NECTIN3: variants seen among roughly 807,000 people sequenced by gnomAD.
The protein encoded by NECTIN3 is nectin cell adhesion molecule 3.
In NECTIN3, 8 loss-of-function variants were observed where a neutral mutation model predicts 49.4. The observed-to-expected ratio is 0.16, with a 90% CI of 0.10 to 0.29. The LOEUF (loss-of-function observed/expected upper bound fraction) is 0.29, where lower values mean the gene tolerates loss of function less well. NECTIN3 is among the 10% of genes least tolerant of loss of function. NECTIN3 has a pLI of 1.00. For synonymous variants in NECTIN3, 277 were observed against 241.1 expected (o/e 1.15, Z -1.38); for missense variants, 581 against 654.6 (o/e 0.89, Z 1.23).
At chr3:111,162,375 C>T (rs1020211425) in intron 7 of NECTIN3, among the ~76,000 whole-genome samples, 3 of 152,148 alleles carry the variant, frequency 2.0e-5, no homozygotes, top group Non-Finnish European at 4.4e-5. Context: ...TTTCCCCATG[C>T]TGCTGTTCTT....
At chr3:111,183,176 C>T (rs1426226314) in intron 7 of NECTIN3, among the ~76,000 whole-genome samples, 2 of 151,740 alleles carry the variant, frequency 1.3e-5, no homozygotes, top group Non-Finnish European at 2.9e-5. Context: ...TGTTTTAAAC[C>T]ATAATGTATC....
intron 1 of NECTIN3, among the ~76,000 whole-genome samples, chr3:111,096,580 G>A (rs1322705155): frequency 2.0e-5 from 3 of 152,186 alleles, no homozygotes; most frequent in Non-Finnish European, 4.4e-5. Flanking sequence ...AGGCCTGGAG[G>A]TTTAGGAGGA....
chr3:111,114,234 A>G (rs930944389), intron 2 of NECTIN3, among the ~76,000 whole-genome samples: 9 of 151,922 alleles, frequency 5.9e-5, no homozygotes, highest in Admixed American at 5.2e-4. Flanking sequence ...ATCATCATAA[A>G]CTATTTGCAG....
intron 1 of NECTIN3, among the ~76,000 whole-genome samples, chr3:111,110,080 A>T (rs2033389503): frequency 6.6e-6 from 1 of 152,066 alleles, no homozygotes; most frequent in Admixed American, 6.6e-5. Flanking sequence ...ATAAGCAACT[A>T]CATTATTGGT....
At chr3:111,169,731 G>A (rs2035398869) in intron 7 of NECTIN3, among the ~76,000 whole-genome samples, 1 of 152,092 alleles carries the variant, frequency 6.6e-6, no homozygotes, top group African/African-American at 2.4e-5. Context: ...AAGAATTAGG[G>A]CAACAGTGTT....
At chr3:111,126,138 A>G in intron 4 of NECTIN3, 46 bp from the exon 5 acceptor site, 5 of 1,350,640 alleles carry the variant, frequency 3.7e-6, no homozygotes, top group Non-Finnish European at 4.9e-6. Context: ...GTCAATAAAT[A>G]TAGTCTGAAG....
In NECTIN3 at chr3:111,136,766, T is replaced by C; in HGVS notation, c.*2551T>C. ...CTGTTTTAGCATTTTGTAAATTCAC[T>C]TGAGAGTTTTCTTTCATACTGGTTA... On this transcript the variant is annotated 3_prime_UTR_variant, in exon 6 of 6. Transcript: ENST00000485303. 1 of 929,166 alleles carries C rather than the reference T, an allele frequency of 1.1e-6. No individual in the cohort carries two copies. Among genetic ancestry groups the C allele is most frequent in the African/African-American group, 1.8e-5 (1 of 55,910 alleles). The allele number at this position is 929,166 out of a possible 1,614,324, so 57.6% of individuals were successfully genotyped here. A position where few individuals can be genotyped will look rare whatever the true frequency, so the allele number is the denominator to read the frequency against.
chr3:111,133,571 G>T, intron 5 of NECTIN3, 64 bp from the exon 6 acceptor site: 1 of 1,533,740 alleles, frequency 6.5e-7, no homozygotes, highest in Non-Finnish European at 8.8e-7. Flanking sequence ...ACTTGCTGCT[G>T]AATCAGCCTG....
chr3:111,082,849 A>C (rs2031702021), intron 1 of NECTIN3, among the ~76,000 whole-genome samples: 1 of 152,248 alleles, frequency 6.6e-6, no homozygotes. Context: ...GCAACTAGAC[A>C]GTCCCGTCTG....
At chr3:111,174,696 C>G (rs572281409) in intron 7 of NECTIN3, among the ~76,000 whole-genome samples, 1 of 142,822 alleles carries the variant, frequency 7.0e-6, no homozygotes, top group Admixed American at 7.4e-5. Context: ...CCTGTTCCAT[C>G]GCCACTGCTG....
In NECTIN3 at chr3:111,135,263, A is replaced by G; in HGVS notation, c.*1048A>G. 1.0e-6 allele frequency: 1 copy of G among 969,084 alleles called. No individual in the cohort carries two copies. Among genetic ancestry groups the G allele is most frequent in the African/African-American group, 1.8e-5 (1 of 56,856 alleles). The allele number at this position is 969,084 out of a possible 1,614,324, so 60.0% of individuals were successfully genotyped here. ...ACTTTGGATATAACTAGAAAAAACTAGATTATAGAATTAGTCGGTAACACT... is the reference window on the plus strand; with the variant it reads ...ACTTTGGATATAACTAGAAAAAACTGGATTATAGAATTAGTCGGTAACACT... On this transcript the variant is annotated 3_prime_UTR_variant, in exon 6 of 6. Transcript: ENST00000485303.
Position 111,072,010 on chromosome 3 carries a change from G to C in NECTIN3, c.-8G>C. The C allele has an allele frequency of 6.7e-7, 1 of 1,499,246 alleles. No homozygotes were observed. Among genetic ancestry groups the C allele is most frequent in the Non-Finnish European group, 8.9e-7 (1 of 1,123,200 alleles). The allele number at this position is 1,499,246 out of a possible 1,614,324, so 92.9% of individuals were successfully genotyped here. A position where few individuals can be genotyped will look rare whatever the true frequency, so the allele number is the denominator to read the frequency against. ...GGGCGGGCGAGCGGGCCGGGGGGAG[G>C]GTGGGGGATGGCGCGGACCCTGCGG... On this transcript the variant is annotated 5_prime_UTR_variant, in exon 1 of 6. Coordinates refer to ENST00000485303, the MANE Select transcript of NECTIN3 (RefSeq NM_015480.3).
intron 5 of NECTIN3, among the ~76,000 whole-genome samples, chr3:111,143,606 C>T (rs1440919692): frequency 6.6e-6 from 1 of 151,796 alleles, no homozygotes; most frequent in Non-Finnish European, 1.5e-5. Flanking sequence ...ATTTCAAAAC[C>T]AATAGTGCTA....
At position 111,175,340 on chromosome 3, in the gene NECTIN3, G is replaced by A. The variant is rs189519320; in HGVS notation, c.1222-17011G>A. On this transcript the variant is annotated intron_variant, in intron 7 of 8. Transcript: ENST00000493615. ...CCCATTTAGGGCCGCTGGTCTCCAGGCTTGAGGGTGGGACCTTTGCCAGGC... is the reference window on the plus strand; with the variant it reads ...CCCATTTAGGGCCGCTGGTCTCCAGACTTGAGGGTGGGACCTTTGCCAGGC... 4.6e-5 allele frequency among the ~76,000 whole-genome samples: 7 copies of A among 151,790 alleles called. No individual in the cohort carries two copies. The East Asian group carries it at 1.4e-3, about 30-fold the overall frequency.
Position 111,133,802 on chromosome 3 carries a change from G to T in NECTIN3, c.1237G>T (p.Ala413Ser). 1 of 1,613,952 alleles carries T rather than the reference G, an allele frequency of 6.2e-7. No individual in the cohort carries two copies. Among genetic ancestry groups the T allele is most frequent in the Non-Finnish European group, 8.5e-7 (1 of 1,179,888 alleles). ...ATIIASVVGG[A>S]LFIVLVSVLA... The stretch of plus-strand genomic sequence containing the variant: ...GATCATTGCTAGTGTAGTGGGTGGG[G>T]CTCTCTTCATAGTACTTGTAAGTGT... Residue 413 changes from alanine to serine, a missense_variant, in exon 6 of 6, where the codon GCT becomes TCT. Physicochemically the swap from Ala to Ser is moderately conservative, Grantham distance 99. Transcript: ENST00000485303.
rs2033263643 is a variant in NECTIN3 at position 111,108,070 on chromosome 3, A to G, written c.161-3960A>G. 2.0e-5 allele frequency among the ~76,000 whole-genome samples: 3 copies of G among 152,154 alleles called. No homozygotes were observed. The South Asian group carries it at 6.2e-4, about 31-fold the overall frequency. Reference sequence around the variant, plus strand: ...CACAGCAAAACTTACTTTTGTAACAAGCAGTAAAACTCAGAATACAGAAAA... The same window carrying G: ...CACAGCAAAACTTACTTTTGTAACAGGCAGTAAAACTCAGAATACAGAAAA... On this transcript the variant is annotated intron_variant, in intron 1 of 5. Coordinates refer to ENST00000485303, the MANE Select transcript of NECTIN3 (RefSeq NM_015480.3).
chr3:111,120,503 T>G (rs1436581601), intron 3 of NECTIN3, among the ~76,000 whole-genome samples: 1 of 152,218 alleles, frequency 6.6e-6, no homozygotes, highest in Non-Finnish European at 1.5e-5. Context: ...GACTGTTCTT[T>G]CAGCAACATT....
Position 111,134,959 on chromosome 3 carries a change from A to G in NECTIN3, c.*744A>G. The G allele has an allele frequency of 1.0e-6, 1 of 981,000 alleles. No homozygotes were observed. Among genetic ancestry groups the G allele is most frequent in the Non-Finnish European group, 1.2e-6 (1 of 826,612 alleles). 60.8% of individuals were successfully genotyped at this position (981,000 alleles called of 1,614,324 possible). ...AGAGTAATAAAATACATACCTTTCA[A>G]ACATGATAATTATTAGTTTTTTTTT... On this transcript the variant is annotated 3_prime_UTR_variant, in exon 6 of 6. Transcript: ENST00000485303.
In NECTIN3 at chr3:111,155,963, T is replaced by C. The variant is rs555374167; in HGVS notation, c.1221+8479T>C. The stretch of plus-strand genomic sequence containing the variant: ...TATCTCAGGCTATTGATACCCTCCT[T>C]ATATATTAGCACAGTAATCTTATAT... On this transcript the variant is annotated intron_variant, in intron 7 of 8. Coordinates refer to the NECTIN3 transcript ENST00000493615. 2.6e-3 allele frequency among the ~76,000 whole-genome samples: 403 copies of C among 152,266 alleles called. 2 individuals are homozygous for C. The highest frequency in any genetic ancestry group is 9.1e-3 in the African/African-American group (379 of 41,560).
Sources: gnomAD v4.1 joint callset for allele counts (sites outside exome capture counted in the v4.1 genomes callset) on GRCh38, gnomAD v4.1.1 for gene constraint, MANE v1.5 for transcripts, NCBI Gene and HGNC (gene_info 2026-07-23, HGNC 2026-07-21) for gene names.